Variants in MRPS24 observed in about 807,000 individuals in gnomAD.
MRPS24 encodes the protein small ribosomal subunit protein uS3m.
MRPS24 carries 15 observed loss-of-function variants against 21.8 expected under a neutral mutation model. The observed-to-expected ratio is 0.69, with a 90% CI of 0.46 to 1.06. MRPS24 has a LOEUF of 1.06. Ranked by LOEUF, MRPS24 falls within the 50% of genes least tolerant of loss-of-function variation. The pLI is 0.00. For synonymous variants in MRPS24, 93 were observed against 93.7 expected (o/e 0.99, Z 0.04); for missense variants, 224 against 219.1 (o/e 1.02, Z -0.14).
rs188608634 is a variant in MRPS24 at position 43,866,672 on chromosome 7, C to T, written c.*27G>A. The T allele has an allele frequency of 5.0e-6, 8 of 1,608,900 alleles. No individual in the cohort carries two copies. The highest frequency in any genetic ancestry group is 2.2e-5 in the East Asian group (1 of 44,794). ...CCACGTTTCCATTCTCTGCAGGCTACAGCTTGATGGAAAAAAGGGGATTGT... is the reference window on the plus strand; with the variant it reads ...CCACGTTTCCATTCTCTGCAGGCTATAGCTTGATGGAAAAAAGGGGATTGT... On this transcript the variant is annotated 3_prime_UTR_variant, in exon 4 of 4. Transcript: ENST00000317534.
rs1585776262 is a variant in MRPS24, at chr7:43,869,475, G to A, written c.21C>T (p.Ser7=). The change falls in exon 1 of 4, where the codon AGC becomes AGT. Residue 7 remains serine, a synonymous_variant. Coordinates refer to ENST00000317534, the MANE Select transcript of MRPS24 (RefSeq NM_032014.3). The surrounding 1 kb of genome is among the most constrained non-coding windows in gnomAD (Gnocchi z 4.8). ...CACTCACCCGTGGCCCCAGCAACCC[G>A]CTGCACACGGAGGCCGCCATCTTGG... MAASVC[S]GLLGPRVLSW... 13 of 1,569,152 alleles carry A rather than the reference G, an allele frequency of 8.3e-6. No individual in the cohort carries two copies. Among genetic ancestry groups the A allele is most frequent in the Non-Finnish European group, 1.1e-5 (13 of 1,158,576 alleles).
In MRPS24 at chr7:43,869,032, C is replaced by T; in HGVS notation, c.151G>A (p.Val51Met). ...GGCGCGTGTGCCTCCTCGTAGGTCA[C>T]CGGCTTGTCCCCCTTGCTTACGCGT... ...RVRVSKGDKP[V>M]TYEEAHAPHY... Residue 51 changes from valine (V) to methionine (M), a missense_variant, in exon 3 of 4, where the codon GTG becomes ATG. Coordinates refer to ENST00000317534, the MANE Select transcript of MRPS24 (RefSeq NM_032014.3). This position sits in a 1 kb window ranked among gnomAD's most constrained non-coding sequence, Gnocchi z 4.8. The T allele has an allele frequency of 6.2e-7, 1 of 1,614,002 alleles. No homozygotes were observed. Among genetic ancestry groups the T allele is most frequent in the Non-Finnish European group, 8.5e-7 (1 of 1,180,022 alleles).
chr7:43,869,506 G>A lies in MRPS24; in HGVS notation c.-11C>T, dbSNP rs1272165665. ...CACGGAGGCCGCCATCTTGGGCCAA[G>A]CGGAGCGCGGGACGTACCACAGCGC... On this transcript the variant is annotated 5_prime_UTR_variant, in exon 1 of 4. Transcript: ENST00000317534. The surrounding 1 kb of genome is among the most constrained non-coding windows in gnomAD (Gnocchi z 4.8). The A allele has an allele frequency of 6.4e-7, 1 of 1,563,476 alleles. No individual in the cohort carries two copies. The highest frequency in any genetic ancestry group is 1.4e-5 in the African/African-American group (1 of 73,916).
Position 43,866,694 on chromosome 7 carries a change from T to C in MRPS24, c.*5A>G, listed in dbSNP as rs762022096. On this transcript the variant is annotated 3_prime_UTR_variant, in exon 4 of 4. Transcript: ENST00000317534. ...CTACAGCTTGATGGAAAAAAGGGGATTGTTCTAGAGGTACTTATACACAAC... is the reference window on the plus strand; with the variant it reads ...CTACAGCTTGATGGAAAAAAGGGGACTGTTCTAGAGGTACTTATACACAAC... 3.7e-6 allele frequency: 6 copies of C among 1,611,260 alleles called. No homozygotes were observed. The highest frequency in any genetic ancestry group is 2.7e-5 in the African/African-American group (2 of 74,884).
At chr7:43,868,800 A>C in intron 3 of MRPS24, 163 bp downstream of exon 3, 3 of 868,258 alleles carry the variant, frequency 3.5e-6, no homozygotes, top group Non-Finnish European at 5.0e-6. Context: ...CAACATCCTG[A>C]TCTATATATA....
Position 43,869,464 on chromosome 7 carries a change from C to G in MRPS24, c.32G>C (p.Gly11Ala), listed in dbSNP as rs1461060447. ...CCGAGTCGCCCCACTCACCCGTGGC[C>G]CCAGCAACCCGCTGCACACGGAGGC... is the stretch of plus-strand genomic sequence containing the variant. MAASVCSGLL[G>A]PRVLSWSREL... Residue 11 changes from glycine to alanine, a missense_variant, in exon 1 of 4, where the codon GGG becomes GCG. Coordinates refer to ENST00000317534, the MANE Select transcript of MRPS24 (RefSeq NM_032014.3). The surrounding 1 kb of genome is among the most constrained non-coding windows in gnomAD (Gnocchi z 4.8). 1 of 1,567,292 alleles carries G rather than the reference C, an allele frequency of 6.4e-7. No homozygotes were observed. The highest frequency in any genetic ancestry group is 2.4e-5 in the East Asian group (1 of 42,130).
rs1254337956 is a variant in MRPS24 at position 43,869,266 on chromosome 7, C to CTGG, written c.108+41_108+42insCCA. On this transcript the variant is annotated intron_variant, in intron 2 of 3. Transcript: ENST00000317534. This position sits in a 1 kb window ranked among gnomAD's most constrained non-coding sequence, Gnocchi z 4.8. ...CACGGCTTCCCCGGCCCCCGGCCCC[C>CTGG]CGGCCCCCAGGCCCCCAGGCCCCTG... The CTGG allele has an allele frequency of 3.3e-5, 47 of 1,418,860 alleles. No homozygotes were observed. The highest frequency in any genetic ancestry group is 4.4e-5 in the African/African-American group (3 of 68,496). 87.9% of individuals were successfully genotyped at this position (1,418,860 alleles called of 1,614,324 possible).
Position 43,869,162 on chromosome 7 carries a change from C to T in MRPS24, c.109-88G>A. 2 of 1,499,084 alleles carry T rather than the reference C, an allele frequency of 1.3e-6. No individual in the cohort carries two copies. Among genetic ancestry groups the T allele is most frequent in the Non-Finnish European group, 1.8e-6 (2 of 1,125,574 alleles). 92.9% of individuals were successfully genotyped at this position (1,499,084 alleles called of 1,614,324 possible). On this transcript the variant is annotated intron_variant, in intron 2 of 3. Coordinates refer to ENST00000317534, the MANE Select transcript of MRPS24 (RefSeq NM_032014.3). The surrounding 1 kb of genome is among the most constrained non-coding windows in gnomAD (Gnocchi z 4.8). ...GTCCCCCCAGTCAGCTGGCACTGTT[C>T]CCCGGCCCCAATCCCCTGATCCCTA... is the stretch of plus-strand genomic sequence containing the variant.
intron 3 of MRPS24, 42 bp from the exon 4 acceptor site, chr7:43,867,024 C>G: frequency 6.3e-7 from 1 of 1,595,126 alleles, no homozygotes; most frequent in Non-Finnish European, 8.6e-7. Flanking sequence ...GCCTCATTGC[C>G]CCAGGGCCCT....
rs1401386173 is a variant in MRPS24 at position 43,866,589 on chromosome 7, G to A, written c.*110C>T. ...AGAAGGTCTTTATTCAATAGCAGAT[G>A]AGAGACTATGCCTCAGTCCTCTGAG... On this transcript the variant is annotated 3_prime_UTR_variant, in exon 4 of 4. Transcript: ENST00000317534. The A allele has an allele frequency of 1.6e-6, 2 of 1,243,804 alleles. No homozygotes were observed. Among genetic ancestry groups the A allele is most frequent in the African/African-American group, 3.0e-5 (2 of 66,774 alleles). The allele number at this position is 1,243,804 out of a possible 1,614,324, so 77.0% of individuals were successfully genotyped here.
chr7:43,868,945 G>A lies in MRPS24; in HGVS notation c.220+18C>T, dbSNP rs768807247. The A allele has an allele frequency of 3.1e-6, 5 of 1,611,756 alleles. No individual in the cohort carries two copies. Among genetic ancestry groups the A allele is most frequent in the East Asian group, 2.2e-5 (1 of 44,792 alleles). ...AGTCGGATTGAGTGCTCCTTTTGGA[G>A]GCCTGGGGTCCGCTCACCTGTGTGC... On this transcript the variant is annotated intron_variant, in intron 3 of 3. Coordinates refer to ENST00000317534, the MANE Select transcript of MRPS24 (RefSeq NM_032014.3).
In MRPS24 at chr7:43,869,488, G is replaced by A; in HGVS notation, c.8C>T (p.Ala3Val). The A allele has an allele frequency of 1.3e-6, 2 of 1,569,188 alleles. No homozygotes were observed. The highest frequency in any genetic ancestry group is 1.7e-6 in the Non-Finnish European group (2 of 1,158,938). Residue 3 changes from alanine (A) to valine (V), a missense_variant, in exon 1 of 4, where the codon GCC becomes GTC. Coordinates refer to ENST00000317534, the MANE Select transcript of MRPS24 (RefSeq NM_032014.3). The surrounding 1 kb of genome is among the most constrained non-coding windows in gnomAD (Gnocchi z 4.8). ...CCCCAGCAACCCGCTGCACACGGAG[G>A]CCGCCATCTTGGGCCAAGCGGAGCG... is the stretch of plus-strand genomic sequence containing the variant. MA[A>V]SVCSGLLGPR...
Position 43,869,274 on chromosome 7 carries a change from C to T in MRPS24, c.108+34G>A. 6.0e-6 allele frequency: 9 copies of T among 1,507,138 alleles called. No individual in the cohort carries two copies. Among genetic ancestry groups the T allele is most frequent in the Non-Finnish European group, 8.0e-6 (9 of 1,129,914 alleles). 93.4% of individuals were successfully genotyped at this position (1,507,138 alleles called of 1,614,324 possible). ...CCCCGGCCCCCGGCCCCCCGGCCCC[C>T]AGGCCCCCAGGCCCCTGCCCCGGCG... On this transcript the variant is annotated intron_variant, in intron 2 of 3. Coordinates refer to ENST00000317534, the MANE Select transcript of MRPS24 (RefSeq NM_032014.3). This position sits in a 1 kb window ranked among gnomAD's most constrained non-coding sequence, Gnocchi z 4.8.
Position 43,869,507 on chromosome 7 carries a change from C to A in MRPS24, c.-12G>T. On this transcript the variant is annotated 5_prime_UTR_variant, in exon 1 of 4. Coordinates refer to ENST00000317534, the MANE Select transcript of MRPS24 (RefSeq NM_032014.3). This position sits in a 1 kb window ranked among gnomAD's most constrained non-coding sequence, Gnocchi z 4.8. ...ACGGAGGCCGCCATCTTGGGCCAAG[C>A]GGAGCGCGGGACGTACCACAGCGCG... The A allele has an allele frequency of 3.8e-6, 6 of 1,563,020 alleles. No individual in the cohort carries two copies. Among genetic ancestry groups the A allele is most frequent in the Non-Finnish European group, 4.3e-6 (5 of 1,156,570 alleles).
In MRPS24 at chr7:43,866,887, C is replaced by T; in HGVS notation, c.316G>A (p.Asp106Asn). 1.2e-6 allele frequency: 2 copies of T among 1,614,206 alleles called. No individual in the cohort carries two copies. The highest frequency in any genetic ancestry group is 1.7e-6 in the Non-Finnish European group (2 of 1,180,026). Residue 106 changes from aspartate (D) to asparagine (N), a missense_variant, in exon 4 of 4, where the codon GAC becomes AAC. Physicochemically the swap from Asp to Asn is conservative, Grantham distance 23. Coordinates refer to ENST00000317534, the MANE Select transcript of MRPS24 (RefSeq NM_032014.3). ...CCCCGGCGCTTTAAAACCAGCTGGT[C>T]AGCCAGGCAGCCTGGGAAGGTACCC... ...MWGTFPGCLA[D>N]QLVLKRRGNQ...
At chr7:43,868,799 G>A in intron 3 of MRPS24, 164 bp downstream of exon 3, 1 of 906,702 alleles carries the variant, frequency 1.1e-6, no homozygotes, top group Non-Finnish European at 1.6e-6. Flanking sequence ...TCAACATCCT[G>A]ATCTATATAT....
At position 43,869,468 on chromosome 7, in the gene MRPS24, G is replaced by A. The variant is rs1208217566; in HGVS notation, c.28C>T (p.Leu10=). MAASVCSGL[L]GPRVLSWSRE... ...GTCGCCCCACTCACCCGTGGCCCCA[G>A]CAACCCGCTGCACACGGAGGCCGCC... is the stretch of plus-strand genomic sequence containing the variant. Residue 10 remains leucine (L), a synonymous_variant, in exon 1 of 4, where the codon CTG becomes TTG. Coordinates refer to ENST00000317534, the MANE Select transcript of MRPS24 (RefSeq NM_032014.3). This position sits in a 1 kb window ranked among gnomAD's most constrained non-coding sequence, Gnocchi z 4.8. 3 of 1,567,792 alleles carry A rather than the reference G, an allele frequency of 1.9e-6. No homozygotes were observed. The highest frequency in any genetic ancestry group is 1.2e-5 in the South Asian group (1 of 85,376).
chr7:43,869,414 C>T lies in MRPS24; in HGVS notation c.40-38G>A, dbSNP rs2095839136. The T allele has an allele frequency of 1.3e-6, 2 of 1,551,616 alleles. No homozygotes were observed. The highest frequency in any genetic ancestry group is 2.4e-5 in the East Asian group (1 of 41,034). Reference sequence around the variant, plus strand: ...GGCGCGTGAGGCGGAAACTAGGGACCCCACCTCCGACTCGCAGGGACCTGC... The same window carrying T: ...GGCGCGTGAGGCGGAAACTAGGGACTCCACCTCCGACTCGCAGGGACCTGC... On this transcript the variant is annotated intron_variant, in intron 1 of 3. Transcript: ENST00000317534. The surrounding 1 kb of genome is among the most constrained non-coding windows in gnomAD (Gnocchi z 4.8).
rs765607957 is a variant in MRPS24 at position 43,869,477 on chromosome 7, T to G, written c.19A>C (p.Ser7Arg). Reference protein sequence around the residue: MAASVCSGLLGPRVLSW... With the variant: MAASVCRGLLGPRVLSW... ...CTCACCCGTGGCCCCAGCAACCCGC[T>G]GCACACGGAGGCCGCCATCTTGGGC... The change falls in exon 1 of 4, where the codon AGC becomes CGC. Residue 7 changes from serine to arginine, a missense_variant. By Grantham distance (110) the Ser-to-Arg change is moderately radical (BLOSUM62 -1). Coordinates refer to ENST00000317534, the MANE Select transcript of MRPS24 (RefSeq NM_032014.3). This position sits in a 1 kb window ranked among gnomAD's most constrained non-coding sequence, Gnocchi z 4.8. 8.9e-6 allele frequency: 14 copies of G among 1,569,996 alleles called. No individual in the cohort carries two copies. The highest frequency in any genetic ancestry group is 1.4e-5 in the African/African-American group (1 of 73,826).
Sources: allele counts gnomAD v4.1 joint callset, GRCh38; gene constraint gnomAD v4.1.1; non-coding constraint Gnocchi (gnomAD v3.1); transcripts MANE v1.5; gene names NCBI Gene and HGNC (gene_info 2026-07-23, HGNC 2026-07-21).